RSPO2: variants seen among roughly 807,000 people sequenced by gnomAD.
RSPO2 encodes R-spondin 2.
RSPO2 carries 14 observed loss-of-function variants against 30.9 expected under a neutral mutation model. The observed-to-expected ratio is 0.45, with a 90% CI of 0.30 to 0.71. The LOEUF (loss-of-function observed/expected upper bound fraction) is 0.71. Ranked by LOEUF, RSPO2 falls within the 30% of genes least tolerant of loss-of-function variation. RSPO2 has a pLI of 0.08. For missense variants in RSPO2, 264 were observed against 301.9 expected, an observed-to-expected ratio of 0.87 and a Z score of 0.93; for synonymous variants, 107 against 96.4, an observed-to-expected ratio of 1.11 and a Z score of -0.64.
rs548930958 is a variant in RSPO2 at position 107,921,546 on chromosome 8, C to G, written c.617-20356G>C. On this transcript the variant is annotated intron_variant, in intron 5 of 5. Transcript: ENST00000276659. ...AACTATCTTTTAGGAGTGATGGTAG[C>G]ATTCCCACTAAAACTATTCCAAAAA... Among the ~76,000 whole-genome samples the G allele has an allele frequency of 2.0e-5, 3 of 152,170 alleles. No individual in the cohort carries two copies. The East Asian group carries it at 5.8e-4, about 29-fold the overall frequency.
chr8:107,948,866 A>ATAAATAAATAAAT (rs55680371), intron 5 of RSPO2, among the ~76,000 whole-genome samples: 1,722 of 145,862 alleles, frequency 0.012, 9 homozygotes, highest in Non-Finnish European at 0.018. Context: ...TCTCAAAAAA[A>ATAAATAAATAAAT]AAATAAATAA....
intron 2 of RSPO2, among the ~76,000 whole-genome samples, chr8:108,036,947 G>A (rs1367769359): frequency 6.6e-6 from 1 of 152,146 alleles, no homozygotes; most frequent in African/African-American, 2.4e-5. Flanking sequence ...AATCAATGTT[G>A]TGTGTTCTGA....
intron 2 of RSPO2, among the ~76,000 whole-genome samples, chr8:108,039,567 A>G (rs1811693100): frequency 6.6e-6 from 1 of 152,162 alleles, no homozygotes; most frequent in Non-Finnish European, 1.5e-5. Context: ...TATGAATTTA[A>G]AAAAGGAAAA....
intron 2 of RSPO2, among the ~76,000 whole-genome samples, chr8:108,022,038 A>G (rs1811074286): frequency 1.3e-5 from 2 of 152,136 alleles, no homozygotes; most frequent in African/African-American, 2.4e-5. Context: ...TTGGCTAACC[A>G]TTAACAAAAC....
At chr8:108,023,300 T>C (rs1320408498) in intron 2 of RSPO2, among the ~76,000 whole-genome samples, 6 of 152,168 alleles carry the variant, frequency 3.9e-5, no homozygotes, top group Non-Finnish European at 8.8e-5. Flanking sequence ...TCCCAGTATT[T>C]AAGCATCCCT....
At chr8:108,005,519 T>C (rs1815423685) in intron 2 of RSPO2, among the ~76,000 whole-genome samples, 1 of 149,340 alleles carries the variant, frequency 6.7e-6, no homozygotes, top group Admixed American at 6.6e-5. Flanking sequence ...CCCTTCTCCC[T>C]CATTTGTCTG....
intron 3 of RSPO2, among the ~76,000 whole-genome samples, chr8:107,985,974 T>C (rs1814613567): frequency 1.3e-5 from 2 of 152,218 alleles, no homozygotes; most frequent in African/African-American, 4.8e-5. Flanking sequence ...AATCATACTC[T>C]AGTGATTAGG....
intron 2 of RSPO2, among the ~76,000 whole-genome samples, chr8:108,078,302 T>A (rs116752891): frequency 0.036 from 5,453 of 152,266 alleles, 307 homozygotes; most frequent in African/African-American, 0.12. Context: ...TGCCGTTATG[T>A]TGGAAGAGAA....
intron 3 of RSPO2, among the ~76,000 whole-genome samples, chr8:107,971,980 C>G (rs1563544917): frequency 6.6e-6 from 1 of 152,118 alleles, no homozygotes; most frequent in Non-Finnish European, 1.5e-5. Context: ...ATGGTTTTAC[C>G]ACTCTGTCCA....
chr8:107,993,052 T>C (rs1484595540), intron 2 of RSPO2, among the ~76,000 whole-genome samples: 3 of 151,710 alleles, frequency 2.0e-5, no homozygotes, highest in African/African-American at 2.4e-5. Flanking sequence ...TACAAAAGCA[T>C]AGCATGTAAA....
Position 107,927,111 on chromosome 8 carries a change from C to T in RSPO2, c.617-25921G>A, listed in dbSNP as rs1474826902. Among the ~76,000 whole-genome samples the T allele has an allele frequency of 3.3e-5, 5 of 152,286 alleles. No individual in the cohort carries two copies. In the East Asian group the frequency reaches 5.8e-4, roughly 18 times the overall value. On this transcript the variant is annotated intron_variant, in intron 5 of 5. Coordinates refer to ENST00000276659, the MANE Select transcript of RSPO2 (RefSeq NM_178565.5). ...TAGTTCTCCTTGAAGAGGTCCTTCA[C>T]ATCCCTTGTAAGTTGGATTCCTAGG...
At chr8:107,935,771 T>C (rs2130359159) in intron 5 of RSPO2, among the ~76,000 whole-genome samples, 1 of 152,082 alleles carries the variant, frequency 6.6e-6, no homozygotes, top group East Asian at 2.0e-4. Context: ...TGCCACACAC[T>C]AATTAAATAG....
In RSPO2 at chr8:107,941,896, A is replaced by T. The variant is rs760984828; in HGVS notation, c.616+16184T>A. The stretch of plus-strand genomic sequence containing the variant: ...AAGGGAAAGATTTGAATTAGGTTCT[A>T]GAAAGTCTCATGATTGTGCAGAAAT... On this transcript the variant is annotated intron_variant, in intron 5 of 5. Coordinates refer to ENST00000276659, the MANE Select transcript of RSPO2 (RefSeq NM_178565.5). Among the ~76,000 whole-genome samples the T allele has an allele frequency of 3.3e-3, 503 of 152,342 alleles. 2 individuals carry two copies. The highest frequency in any genetic ancestry group is 5.3e-3 in the Non-Finnish European group (361 of 68,022).
chr8:108,054,177 A>T (rs1210009699), intron 2 of RSPO2, among the ~76,000 whole-genome samples: 1 of 152,202 alleles, frequency 6.6e-6, no homozygotes, highest in Non-Finnish European at 1.5e-5. Context: ...TGGAGATAAG[A>T]GAGCCTGTAC....
intron 5 of RSPO2, among the ~76,000 whole-genome samples, chr8:107,934,731 C>T (rs1265827332): frequency 1.3e-5 from 2 of 152,114 alleles, no homozygotes; most frequent in African/African-American, 2.4e-5. Context: ...GGCAGAAGAA[C>T]ATAAATTATG....
chr8:108,050,687 G>T (rs999392606), intron 2 of RSPO2, among the ~76,000 whole-genome samples: 1 of 152,180 alleles, frequency 6.6e-6, no homozygotes, highest in Non-Finnish European at 1.5e-5. Flanking sequence ...GAAACAGTCT[G>T]CAGGGAAAAC....
chr8:107,971,573 G>A (rs939633531), intron 3 of RSPO2, among the ~76,000 whole-genome samples: 3 of 152,160 alleles, frequency 2.0e-5, no homozygotes, highest in Non-Finnish European at 4.4e-5. Flanking sequence ...GCACTGTGCA[G>A]GTGAATAACC....
chr8:107,945,870 C>T (rs751899457), intron 5 of RSPO2, among the ~76,000 whole-genome samples: 1 of 152,148 alleles, frequency 6.6e-6, no homozygotes, highest in Non-Finnish European at 1.5e-5. Context: ...GTGCCTCTTC[C>T]TGCCATTTTT....
At chr8:107,958,307 C>A in intron 4 of RSPO2, 39 bp from the exon 5 acceptor site, 2 of 1,524,592 alleles carry the variant, frequency 1.3e-6, no homozygotes, top group Non-Finnish European at 1.8e-6. Context: ...AAAACACAAG[C>A]ACATAAGTTA....
Sources: allele counts gnomAD v4.1 joint callset (sites outside exome capture counted in the v4.1 genomes callset), GRCh38; gene constraint gnomAD v4.1.1; transcripts MANE v1.5; gene names NCBI Gene and HGNC (gene_info 2026-07-23, HGNC 2026-07-21).